The following PCDHGA4 variants were observed in gnomAD, a reference collection of about 807,000 sequenced individuals.
PCDHGA4 encodes the protein protocadherin gamma subfamily A, 4, also known as protocadherin gamma-A4.
Under a neutral mutation model 54.6 loss-of-function variants are expected in PCDHGA4, and 38 were observed. That is an observed-to-expected ratio of 0.70 (90% CI 0.54 to 0.91). The LOEUF (loss-of-function observed/expected upper bound fraction) is 0.91. Ranked by LOEUF, PCDHGA4 falls within the 40% of genes least tolerant of loss-of-function variation. The probability of loss-of-function intolerance (pLI) is 0.00; values close to 1 mark genes in which losing one functional copy is unlikely to be tolerated. For missense variants in PCDHGA4, 1,298 were observed against 1,220.9 expected (o/e 1.06, Z -0.94); for synonymous variants, 511 against 512.9 (o/e 1.00, Z 0.05).
chr5:141,408,509 G>T, intron 1 of PCDHGA4: 1 of 1,614,048 alleles, frequency 6.2e-7, no homozygotes, highest in Non-Finnish European at 8.5e-7. Flanking sequence ...AAGAAGATGT[G>T]AGTTGCAATT....
rs1174230153 is a variant in PCDHGA4 at position 141,355,903 on chromosome 5, A to G, written c.796A>G (p.Thr266Ala). Residue 266 changes from threonine to alanine, a missense_variant, in exon 1 of 4, where the codon ACC becomes GCC. Transcript: ENST00000571252. ...CAGGATTCTCATAATACTTGTGGAT[A>G]CCAACGATAATGCTCCCGTGTTCAC... ...TARILIILVD[T>A]NDNAPVFTQP... 6.2e-7 allele frequency: 1 copy of G among 1,613,604 alleles called. No individual in the cohort carries two copies. Among genetic ancestry groups the G allele is most frequent in the African/African-American group, 1.3e-5 (1 of 74,908 alleles).
chr5:141,409,700 G>GCGGTGT (rs1561722150), intron 1 of PCDHGA4: 2 of 1,613,280 alleles, frequency 1.2e-6, no homozygotes, highest in Admixed American at 3.3e-5. Flanking sequence ...AGAGCCCCTG[G>GCGGTGT]CGGTGTCGTC....
At position 141,357,060 on chromosome 5, in the gene PCDHGA4, G is replaced by A. The variant is rs755597830; in HGVS notation, c.1953G>A (p.Gly651=). The A allele has an allele frequency of 2.5e-6, 4 of 1,613,996 alleles. No individual in the cohort carries two copies. The South Asian group carries it at 3.3e-5, about 13-fold the overall frequency. ...GCGAGCCGGGACTATTTGCAGTGGG[G>A]CTGCACACAGGCGAGGTGCGCACCG... is the stretch of plus-strand genomic sequence containing the variant. The part of the protein sequence containing the change: ...KSSEPGLFAV[G]LHTGEVRTAR... The change falls in exon 1 of 4, where the codon GGG becomes GGA. Residue 651 remains glycine, a synonymous_variant. Coordinates refer to ENST00000571252, the MANE Select transcript of PCDHGA4 (RefSeq NM_018917.4).
rs534187376 is a variant in PCDHGA4 at position 141,512,974 on chromosome 5, A to G, written c.*1801A>G. ...AAAATAATAAAACGTTTCTTCTGAA[A>G]AGCTGAACGTTTCTGTATAAGCGAT... is the stretch of plus-strand genomic sequence containing the variant. On this transcript the variant is annotated 3_prime_UTR_variant, in exon 4 of 4. Transcript: ENST00000571252. The G allele has an allele frequency of 6.6e-6, 1 of 152,362 alleles. No individual in the cohort carries two copies. Among genetic ancestry groups the G allele is most frequent in the South Asian group, 2.1e-4 (1 of 4,826 alleles). The allele number at this position is 152,362 out of a possible 1,614,324, so 9.4% of individuals were successfully genotyped here. A position where few individuals can be genotyped will look rare whatever the true frequency, so the allele number is the denominator to read the frequency against.
At chr5:141,361,397 C>T in intron 1 of PCDHGA4, 1 of 1,614,008 alleles carries the variant, frequency 6.2e-7, no homozygotes, top group Non-Finnish European at 8.5e-7. Flanking sequence ...TACAATCTCA[C>T]CATCACAGCC....
chr5:141,372,622 A>G lies in PCDHGA4; in HGVS notation c.2514+15001A>G, dbSNP rs1231771489. The G allele has an allele frequency of 6.2e-7, 1 of 1,613,952 alleles. No homozygotes were observed. The highest frequency in any genetic ancestry group is 1.6e-4 in the Middle Eastern group (1 of 6,062). On this transcript the variant is annotated intron_variant, in intron 1 of 3. Transcript: ENST00000571252. ...ACTGTACCTGGAGTTCTCCCCACCT[A>G]CAGCGAAAGGACTTTGCCTTATTCC...
At chr5:141,393,197 T>C (rs1470064881) in intron 1 of PCDHGA4, 1 of 1,613,448 alleles carries the variant, frequency 6.2e-7, no homozygotes, top group South Asian at 1.1e-5. Context: ...ATATTAACGA[T>C]AATAACCCAA....
In PCDHGA4 at chr5:141,360,676, G is replaced by T. The variant is rs993703325; in HGVS notation, c.2514+3055G>T. The T allele has an allele frequency of 8.1e-6, 13 of 1,613,834 alleles. No individual in the cohort carries two copies. Among genetic ancestry groups the T allele is most frequent in the African/African-American group, 1.3e-5 (1 of 74,924 alleles). On this transcript the variant is annotated intron_variant, in intron 1 of 3. Transcript: ENST00000571252. ...TAATGACAACGAGTACTTTGATCTC[G>T]CTGAGAAACAGACTCCAGATGGTCG...
chr5:141,425,221 C>T (rs2096862694), intron 1 of PCDHGA4, among the ~76,000 whole-genome samples: 1 of 152,068 alleles, frequency 6.6e-6, no homozygotes, highest in African/African-American at 2.4e-5. Context: ...TGTACTTTGA[C>T]TGGAATTAGT....
At chr5:141,466,058 C>T (rs970494567) in intron 1 of PCDHGA4, among the ~76,000 whole-genome samples, 2 of 152,046 alleles carry the variant, frequency 1.3e-5, no homozygotes, top group African/African-American at 4.8e-5. Flanking sequence ...GGAGACGGAG[C>T]TTGCAGTGAG....
chr5:141,408,922 G>C, intron 1 of PCDHGA4: 1 of 1,613,222 alleles, frequency 6.2e-7, no homozygotes. Context: ...ATAACCCCCC[G>C]GTTTTCAGCA....
intron 1 of PCDHGA4, chr5:141,400,044 G>T: frequency 1.2e-6 from 2 of 1,613,672 alleles, no homozygotes; most frequent in Non-Finnish European, 1.7e-6. Context: ...AGCGCCTGCT[G>T]GTTGCTGTGC....
At chr5:141,409,897 A>C (rs549955923) in intron 1 of PCDHGA4, 1 of 1,613,086 alleles carries the variant, frequency 6.2e-7, no homozygotes, top group Non-Finnish European at 8.5e-7. Context: ...TGCTGTACCC[A>C]GCTCTGGGTC....
chr5:141,478,624 T>C (rs1300260980), intron 1 of PCDHGA4: 3 of 1,554,196 alleles, frequency 1.9e-6, no homozygotes, highest in Non-Finnish European at 2.6e-6. Context: ...AATGGAGCTG[T>C]TTTTTTAGTG....
At chr5:141,410,473 A>G (rs1347318074) in intron 1 of PCDHGA4, 1 of 1,614,028 alleles carries the variant, frequency 6.2e-7, no homozygotes, top group East Asian at 2.2e-5. Context: ...TGTGCATTGC[A>G]CATACGGGTA....
At chr5:141,384,585 C>G in intron 1 of PCDHGA4, 2 of 1,614,246 alleles carry the variant, frequency 1.2e-6, no homozygotes, top group South Asian at 1.1e-5. Context: ...CGCCCGAGAT[C>G]CTGTACCCGG....
chr5:141,412,154 A>G (rs528810323), intron 1 of PCDHGA4: 1 of 152,344 alleles, frequency 6.6e-6, no homozygotes, highest in Admixed American at 6.5e-5. Flanking sequence ...ACTGCCTAAG[A>G]GAAGAGATTA....
At chr5:141,396,830 G>C (rs1014090361) in intron 1 of PCDHGA4, among the ~76,000 whole-genome samples, 1 of 152,198 alleles carries the variant, frequency 6.6e-6, no homozygotes, top group African/African-American at 2.4e-5. Flanking sequence ...TGCATATTCA[G>C]TGGAGTGGGA....
intron 1 of PCDHGA4, chr5:141,414,983 G>C: frequency 6.2e-7 from 1 of 1,613,716 alleles, no homozygotes; most frequent in Non-Finnish European, 8.5e-7. Context: ...AGAGACTCCG[G>C]CCAGAACGCC....
Sources: allele counts gnomAD v4.1 joint callset (sites outside exome capture counted in the v4.1 genomes callset), GRCh38; gene constraint gnomAD v4.1.1; transcripts MANE v1.5; gene names NCBI Gene and HGNC (gene_info 2026-07-23, HGNC 2026-07-21).